Variants in OR2L5 observed in about 807,000 individuals in gnomAD.
OR2L5 encodes the protein olfactory receptor 2L5.
For synonymous variants in OR2L5, 169 were observed against 142.0 expected, an observed-to-expected ratio of 1.19 and a Z score of -1.35; for missense variants, 413 against 381.6, an observed-to-expected ratio of 1.08 and a Z score of -0.69.
chr1:248,019,991 T>G (rs997585458), intron 1 of OR2L5, among the ~76,000 whole-genome samples: 1 of 152,130 alleles, frequency 6.6e-6, no homozygotes, highest in African/African-American at 2.4e-5. Flanking sequence ...TTTTTCCATT[T>G]TGGTTGGTCT....
At chr1:248,016,315 T>C (rs752112132) in intron 1 of OR2L5, among the ~76,000 whole-genome samples, 4 of 152,204 alleles carry the variant, frequency 2.6e-5, no homozygotes, top group Non-Finnish European at 5.9e-5. Flanking sequence ...TGGGTATTTT[T>C]TTTGTAAGTG....
At position 248,022,413 on chromosome 1, in the gene OR2L5, T is replaced by C; in HGVS notation, c.466T>C (p.Cys156Arg). 6.2e-7 allele frequency: 1 copy of C among 1,614,210 alleles called. No individual in the cohort carries two copies. The highest frequency in any genetic ancestry group is 1.7e-5 in the Admixed American group (1 of 60,028). Residue 156 changes from cysteine to arginine, a missense_variant, in exon 2 of 2, where the codon TGT becomes CGT. Transcript: ENST00000355281. ...GSWMIGSINS[C>R]AHTVYAFRIP... The stretch of plus-strand genomic sequence containing the variant: ...TTGGATGATAGGCTCCATCAACTCT[T>C]GTGCTCACACAGTATATGCATTCCG...
intron 1 of OR2L5, among the ~76,000 whole-genome samples, chr1:248,020,682 T>C (rs969481182): frequency 2.0e-5 from 3 of 152,154 alleles, no homozygotes; most frequent in Non-Finnish European, 4.4e-5. Context: ...ATACTTAAAA[T>C]AATAATTCAT....
intron 1 of OR2L5, among the ~76,000 whole-genome samples, chr1:248,020,910 T>C (rs1375002834): frequency 1.3e-5 from 2 of 151,400 alleles, no homozygotes; most frequent in Non-Finnish European, 3.0e-5. Flanking sequence ...ATGGCACATG[T>C]ATACATATGT....
intron 1 of OR2L5, among the ~76,000 whole-genome samples, chr1:248,014,983 T>A (rs1166635102): frequency 1.3e-5 from 2 of 152,166 alleles, no homozygotes; most frequent in African/African-American, 2.4e-5. Flanking sequence ...ACTTTCATAA[T>A]CACTTTCTGT....
chr1:248,023,154 C>T lies in OR2L5; in HGVS notation c.*268C>T. 3.8e-6 allele frequency: 1 copy of T among 261,180 alleles called. No homozygotes were observed. The highest frequency in any genetic ancestry group is 7.3e-6 in the Non-Finnish European group (1 of 136,594). 16.2% of individuals were successfully genotyped at this position (261,180 alleles called of 1,614,324 possible). A position where few individuals can be genotyped will look rare whatever the true frequency, so the allele number is the denominator to read the frequency against. On this transcript the variant is annotated 3_prime_UTR_variant, in exon 2 of 2. Transcript: ENST00000355281. Reference sequence around the variant, plus strand: ...TTTCATTATCATGTATAAATCAAAACAATAAATGTCCAAAGGAATCATATC... The same window carrying T: ...TTTCATTATCATGTATAAATCAAAATAATAAATGTCCAAAGGAATCATATC...
rs529727848 is a variant in OR2L5, at chr1:248,022,020, T to C, written c.73T>C (p.Phe25Leu). The change falls in exon 2 of 2, where the codon TTC becomes CTC. Residue 25 changes from phenylalanine (F) to leucine (L), a missense_variant. Coordinates refer to ENST00000355281, the MANE Select transcript of OR2L5 (RefSeq NM_001258284.2). ...GLFPPSKIGL[F>L]LFILFVLIFL... is the part of the protein sequence containing the mutation. ...GTTCCCACCATCAAAAATTGGCCTT[T>C]TCCTCTTCATTCTCTTTGTTCTCAT... 4 of 1,613,940 alleles carry C rather than the reference T, an allele frequency of 2.5e-6. No homozygotes were observed. In the South Asian group the frequency reaches 3.3e-5, roughly 13 times the overall value.
At position 248,021,932 on chromosome 1, in the gene OR2L5, A is replaced by T. The variant is rs778998060; in HGVS notation, c.-16A>T. 1.3e-5 allele frequency: 20 copies of T among 1,596,020 alleles called. No homozygotes were observed. The highest frequency in any genetic ancestry group is 1.7e-5 in the Non-Finnish European group (20 of 1,167,116). The stretch of plus-strand genomic sequence containing the variant: ...ACCCTTGTGTCTCCCTTCAGGAAGG[A>T]TCGTATGAATGCCCCATGGAAAATT... On this transcript the variant is annotated 5_prime_UTR_variant, in exon 2 of 2. Transcript: ENST00000355281.
chr1:248,021,629 G>A (rs890582245), intron 1 of OR2L5, among the ~76,000 whole-genome samples: 2 of 152,168 alleles, frequency 1.3e-5, no homozygotes, highest in Non-Finnish European at 2.9e-5. Flanking sequence ...CAAGAAAAAT[G>A]AGTACAGTAC....
chr1:248,015,300 G>A (rs904273398), intron 1 of OR2L5, among the ~76,000 whole-genome samples: 2 of 152,184 alleles, frequency 1.3e-5, no homozygotes, highest in Non-Finnish European at 2.9e-5. Context: ...GGAACTTGAA[G>A]GAAGGAGGAA....
At chr1:248,017,378 T>C (rs1233261841) in intron 1 of OR2L5, among the ~76,000 whole-genome samples, 1 of 152,308 alleles carries the variant, frequency 6.6e-6, no homozygotes, top group Non-Finnish European at 1.5e-5. Context: ...AATAATGTTA[T>C]ATGGTAGAAT....
rs115570805 is a variant in OR2L5 at position 248,018,333 on chromosome 1, A to G, written c.-21-3594A>G. 2.9e-3 allele frequency among the ~76,000 whole-genome samples: 446 copies of G among 152,276 alleles called. 6 individuals carry two copies. Among genetic ancestry groups the G allele is most frequent in the African/African-American group, 0.01 (421 of 41,542 alleles). On this transcript the variant is annotated intron_variant, in intron 1 of 1. Transcript: ENST00000355281. The stretch of plus-strand genomic sequence containing the variant: ...AGTTTATCATAGATTGCCCTATATA[A>G]AATACAAATGATAGAAATGTTTGGA...
At chr1:248,014,229 T>G (rs1319677473) in intron 1 of OR2L5, among the ~76,000 whole-genome samples, 2 of 152,110 alleles carry the variant, frequency 1.3e-5, no homozygotes, top group East Asian at 3.9e-4. Context: ...CAAGGAAATA[T>G]GTAGAAACAA....
At chr1:248,020,254 A>T (rs149169259) in intron 1 of OR2L5, among the ~76,000 whole-genome samples, 28 of 152,300 alleles carry the variant, frequency 1.8e-4, no homozygotes, top group Admixed American at 3.9e-4. Flanking sequence ...AGAAATAAAG[A>T]GCATCCAAAT....
chr1:248,021,251 G>T (rs1357077512), intron 1 of OR2L5, among the ~76,000 whole-genome samples: 1 of 152,008 alleles, frequency 6.6e-6, no homozygotes. Context: ...ATAAATATTT[G>T]TCTCATCAAA....
intron 1 of OR2L5, among the ~76,000 whole-genome samples, chr1:248,021,101 A>G (rs992993374): frequency 6.6e-6 from 1 of 152,208 alleles, no homozygotes; most frequent in East Asian, 1.9e-4. Context: ...TAACTTTTCC[A>G]TGCATTTGTT....
Position 248,022,785 on chromosome 1 carries a change from C to G in OR2L5, c.838C>G (p.Leu280Val). The change falls in exon 2 of 2, where the codon CTC becomes GTC. Residue 280 changes from leucine to valine, a missense_variant. Physicochemically the swap from Leu to Val is conservative, Grantham distance 32. Transcript: ENST00000355281. ...GGTTCTGGCTGTTTTCTACACCATCCTCACCCCAATGCTCAACCCCATCAT... is the reference window on the plus strand; with the variant it reads ...GGTTCTGGCTGTTTTCTACACCATCGTCACCCCAATGCTCAACCCCATCAT... ...DKVLAVFYTI[L>V]TPMLNPIIYS... 1 of 1,613,972 alleles carries G rather than the reference C, an allele frequency of 6.2e-7. No homozygotes were observed. The highest frequency in any genetic ancestry group is 8.5e-7 in the Non-Finnish European group (1 of 1,180,012).
chr1:248,014,396 T>G (rs951991215), intron 1 of OR2L5, among the ~76,000 whole-genome samples: 2 of 152,168 alleles, frequency 1.3e-5, no homozygotes, highest in Admixed American at 1.3e-4. Flanking sequence ...GTAGCTATGC[T>G]ATGGGTATCC....
chr1:248,018,814 C>T (rs1000143677), intron 1 of OR2L5, among the ~76,000 whole-genome samples: 5 of 152,166 alleles, frequency 3.3e-5, no homozygotes, highest in African/African-American at 9.7e-5. Flanking sequence ...TGTCTCCCTT[C>T]CCCGGTCCCC....
Sources: allele counts gnomAD v4.1 joint callset (sites outside exome capture counted in the v4.1 genomes callset), GRCh38; gene constraint gnomAD v4.1.1; transcripts MANE v1.5; gene names NCBI Gene and HGNC (gene_info 2026-07-23, HGNC 2026-07-21).